Variants in MRPS6 observed in about 807,000 individuals in gnomAD.
MRPS6 encodes mitochondrial ribosomal protein S6.
A neutral mutation model predicts 13.1 loss-of-function variants in MRPS6; 6 were observed. The observed-to-expected ratio is 0.46, with a 90% confidence interval of 0.25 to 0.91. MRPS6 has a LOEUF of 0.91. Ranked by LOEUF, MRPS6 falls within the 40% of genes least tolerant of loss-of-function variation. The pLI is 0.18. For synonymous variants in MRPS6, 61 were observed against 56.5 expected, an observed-to-expected ratio of 1.08 and a Z score of -0.36; for missense variants, 164 against 155.6, an observed-to-expected ratio of 1.05 and a Z score of -0.29.
chr21:34,076,157 G>A (rs1325775821), intron 1 of MRPS6, among the ~76,000 whole-genome samples: 1 of 152,160 alleles, frequency 6.6e-6, no homozygotes, highest in East Asian at 1.9e-4. Flanking sequence ...TGGAAGTTAA[G>A]AAACTATAGT....
intron 1 of MRPS6, among the ~76,000 whole-genome samples, chr21:34,120,010 T>G (rs988832137): frequency 2.0e-5 from 3 of 152,208 alleles, no homozygotes; most frequent in Non-Finnish European, 4.4e-5. Flanking sequence ...CTCTTGGGCT[T>G]TACGGGGGAC....
intron 1 of MRPS6, among the ~76,000 whole-genome samples, chr21:34,118,751 G>A (rs1980019615): frequency 6.6e-6 from 1 of 152,040 alleles, no homozygotes; most frequent in African/African-American, 2.4e-5. Flanking sequence ...CTGGCCTCAA[G>A]TGATCTGCCC....
intron 1 of MRPS6, chr21:34,102,420 GT>G: frequency 3.0e-6 from 3 of 999,832 alleles, no homozygotes; most frequent in Non-Finnish European, 3.6e-6. Flanking sequence ...AGAGGGATTA[GT>G]TTTTTTGTTT....
chr21:34,088,355 C>A (rs1426832541), intron 1 of MRPS6, among the ~76,000 whole-genome samples: 1 of 151,324 alleles, frequency 6.6e-6, no homozygotes, highest in Non-Finnish European at 1.5e-5. Context: ...TCTGGTCTTA[C>A]AGCTGACCCA....
At chr21:34,086,964 G>A (rs1458161676) in intron 1 of MRPS6, among the ~76,000 whole-genome samples, 1 of 152,166 alleles carries the variant, frequency 6.6e-6, no homozygotes, top group African/African-American at 2.4e-5. Context: ...CACGCACAGG[G>A]AAGGTCTGCA....
At chr21:34,132,925 T>C (rs1403742962) in intron 2 of MRPS6, among the ~76,000 whole-genome samples, 1 of 152,182 alleles carries the variant, frequency 6.6e-6, no homozygotes, top group Non-Finnish European at 1.5e-5. Flanking sequence ...GACTTAACCT[T>C]TTTGAGTCTC....
In MRPS6 at chr21:34,105,202, A is replaced by G. The variant is rs965145065; in HGVS notation, c.46-20139A>G. On this transcript the variant is annotated intron_variant, in intron 1 of 2. Coordinates refer to ENST00000399312, the MANE Select transcript of MRPS6 (RefSeq NM_032476.4). Reference sequence around the variant, plus strand: ...TTATAGATTGCCAGCAGAGTTCAGAAATAGAGCAGGGATTTACCCGTTCTT... The same window carrying G: ...TTATAGATTGCCAGCAGAGTTCAGAGATAGAGCAGGGATTTACCCGTTCTT... The G allele has an allele frequency of 1.2e-5, 12 of 1,000,172 alleles. No individual in the cohort carries two copies. In the African/African-American group the frequency reaches 2.1e-4, roughly 17 times the overall value. 62.0% of individuals were successfully genotyped at this position (1,000,172 alleles called of 1,614,324 possible). A position where few individuals can be genotyped will look rare whatever the true frequency, so the allele number is the denominator to read the frequency against.
chr21:34,137,147 G>A (rs1470461235), intron 2 of MRPS6, among the ~76,000 whole-genome samples: 1 of 152,116 alleles, frequency 6.6e-6, no homozygotes, highest in Non-Finnish European at 1.5e-5. Context: ...TGTTTTGGCT[G>A]TTTTAGATCC....
intron 1 of MRPS6, among the ~76,000 whole-genome samples, chr21:34,084,489 A>C (rs1989528164): frequency 6.6e-6 from 1 of 152,318 alleles, no homozygotes; most frequent in Admixed American, 6.5e-5. Context: ...GTTGATAATA[A>C]TGCCTAACCT....
At chr21:34,084,333 A>G (rs75257007) in intron 1 of MRPS6, among the ~76,000 whole-genome samples, 3,146 of 152,284 alleles carry the variant, frequency 0.021, 109 homozygotes, top group African/African-American at 0.071. Context: ...AGCAGAAGCG[A>G]TTTCCTTCTA....
intron 1 of MRPS6, among the ~76,000 whole-genome samples, chr21:34,088,967 T>C (rs1209715663): frequency 3.3e-5 from 5 of 152,306 alleles, no homozygotes; most frequent in African/African-American, 7.2e-5. Context: ...TGAATTCTTA[T>C]TGAGTTACAC....
intron 1 of MRPS6, chr21:34,095,860 C>A: frequency 1.2e-6 from 2 of 1,614,062 alleles, no homozygotes; most frequent in Non-Finnish European, 1.7e-6. Flanking sequence ...ATGTTGGCCT[C>A]ACCCGATGTC....
At chr21:34,139,875 A>ACACAC (rs1383658591) in intron 2 of MRPS6, among the ~76,000 whole-genome samples, 1 of 152,116 alleles carries the variant, frequency 6.6e-6, no homozygotes, top group East Asian at 1.9e-4. Flanking sequence ...CCAGCGCCTG[A>ACACAC]CCTTGCAAAA....
intron 2 of MRPS6, among the ~76,000 whole-genome samples, chr21:34,130,419 C>A (rs1389782041): frequency 6.6e-6 from 1 of 152,216 alleles, no homozygotes; most frequent in East Asian, 1.9e-4. Context: ...CTAGGCCTCT[C>A]CAGGGGAGGG....
At chr21:34,100,869 A>AT in intron 1 of MRPS6, 1 of 1,000,178 alleles carries the variant, frequency 1.0e-6, no homozygotes, top group South Asian at 4.7e-5. Context: ...AAAGCGGCTT[A>AT]TTAGCTACTC....
chr21:34,121,250 A>G (rs1980108906), intron 1 of MRPS6, among the ~76,000 whole-genome samples: 1 of 152,026 alleles, frequency 6.6e-6, no homozygotes, highest in African/African-American at 2.4e-5. Flanking sequence ...CTTTCATCAA[A>G]CTTTGTTGTG....
chr21:34,109,423 A>G (rs566844983), intron 1 of MRPS6, among the ~76,000 whole-genome samples: 11 of 152,322 alleles, frequency 7.2e-5, no homozygotes, highest in East Asian at 1.9e-4. Flanking sequence ...AAACTGAAGG[A>G]TAAAAGGCCT....
intron 1 of MRPS6, among the ~76,000 whole-genome samples, chr21:34,106,669 A>AT (rs2148663455): frequency 6.6e-6 from 1 of 152,228 alleles, no homozygotes; most frequent in African/African-American, 2.4e-5. Flanking sequence ...TTGAGATACT[A>AT]TTTGCAGACA....
At chr21:34,080,823 AAC>A (rs760674716) in intron 1 of MRPS6, among the ~76,000 whole-genome samples, 7 of 152,176 alleles carry the variant, frequency 4.6e-5, no homozygotes, top group Non-Finnish European at 8.8e-5. Flanking sequence ...ATCTCTATAA[AAC>A]AGTTATTTGC....
Sources: allele counts gnomAD v4.1 joint callset (sites outside exome capture counted in the v4.1 genomes callset), GRCh38; gene constraint gnomAD v4.1.1; transcripts MANE v1.5; gene names NCBI Gene and HGNC (gene_info 2026-07-23, HGNC 2026-07-21).